The following SLC39A10 variants were observed in gnomAD, a reference collection of about 807,000 sequenced individuals.
The protein encoded by SLC39A10 is solute carrier family 39 member 10.
A neutral mutation model predicts 65.1 loss-of-function variants in SLC39A10; 13 were observed. That is an observed-to-expected ratio of 0.20 (90% confidence interval 0.13 to 0.32). SLC39A10 has a LOEUF of 0.32. Among genes scored for constraint, SLC39A10 ranks in the 10% least tolerant of loss-of-function variants. SLC39A10 has a pLI of 1.00. For missense variants in SLC39A10, 831 were observed against 1,018.4 expected (o/e 0.82, Z 2.50); for synonymous variants, 321 against 342.2 (o/e 0.94, Z 0.68).
chr2:195,726,981 C>G (rs1053605206), intron 8 of SLC39A10, among the ~76,000 whole-genome samples: 7 of 152,108 alleles, frequency 4.6e-5, no homozygotes, highest in African/African-American at 1.7e-4. Flanking sequence ...CATACCTCTT[C>G]AAGGTGGAAC....
At position 195,718,264 on chromosome 2, in the gene SLC39A10, G is replaced by C; in HGVS notation, c.2078G>C (p.Ser693Thr). 6.2e-7 allele frequency: 1 copy of C among 1,607,684 alleles called. No individual in the cohort carries two copies. The highest frequency in any genetic ancestry group is 8.5e-7 in the Non-Finnish European group (1 of 1,175,464). The change falls in exon 8 of 10, where the codon AGT (serine) becomes ACT (threonine). Residue 693 changes from serine to threonine, a missense_variant. Coordinates refer to ENST00000359634, the MANE Select transcript of SLC39A10 (RefSeq NM_020342.3). ...TTATCTTCCTCAGGTGCAGCTTTCA[G>C]TGCTGGATTGACAGGAGGAATCAGT... is the stretch of plus-strand genomic sequence containing the variant. ...SDGLAIGAAF[S>T]AGLTGGISTS...
At chr2:195,699,622 T>C (rs1474344203) in intron 3 of SLC39A10, among the ~76,000 whole-genome samples, 5 of 152,138 alleles carry the variant, frequency 3.3e-5, no homozygotes, top group Non-Finnish European at 5.9e-5. Context: ...TTCTAACTAT[T>C]CCATTATGGT....
intron 3 of SLC39A10, among the ~76,000 whole-genome samples, chr2:195,687,559 G>A (rs1000711929): frequency 6.6e-6 from 1 of 152,204 alleles, no homozygotes; most frequent in Non-Finnish European, 1.5e-5. Context: ...AGTGAATATT[G>A]ATTAGTTGTT....
intron 2 of SLC39A10, among the ~76,000 whole-genome samples, chr2:195,641,005 G>A (rs1470269366): frequency 1.3e-5 from 2 of 152,202 alleles, no homozygotes; most frequent in Non-Finnish European, 2.9e-5. Flanking sequence ...TACCCACTTT[G>A]CACCAAGCAA....
chr2:195,639,144 G>A (rs1289307492), intron 2 of SLC39A10, among the ~76,000 whole-genome samples: 1 of 152,058 alleles, frequency 6.6e-6, no homozygotes, highest in Non-Finnish European at 1.5e-5. Flanking sequence ...GTAAAGATAA[G>A]TCTTGCTATG....
At chr2:195,616,752 C>T (rs914012882) in intron 2 of SLC39A10, among the ~76,000 whole-genome samples, 19 of 150,712 alleles carry the variant, frequency 1.3e-4, no homozygotes, top group Non-Finnish European at 2.2e-4. Flanking sequence ...TACAGGCTCC[C>T]GCCACCACGC....
chr2:195,720,250 G>T (rs1691980719), intron 8 of SLC39A10, among the ~76,000 whole-genome samples: 1 of 152,146 alleles, frequency 6.6e-6, no homozygotes, highest in African/African-American at 2.4e-5. Flanking sequence ...TTTTACCAAG[G>T]TAATGGATGT....
intron 1 of SLC39A10, among the ~76,000 whole-genome samples, chr2:195,660,503 C>A (rs1022069649): frequency 5.3e-5 from 8 of 152,262 alleles, no homozygotes; most frequent in African/African-American, 1.9e-4. Flanking sequence ...ATTCCCTTCA[C>A]CTTTTGCTAA....
intron 3 of SLC39A10, among the ~76,000 whole-genome samples, chr2:195,687,747 T>C (rs1051954870): frequency 6.6e-6 from 1 of 152,224 alleles, no homozygotes; most frequent in East Asian, 1.9e-4. Flanking sequence ...ACTACCTCAT[T>C]AACTTTGTTC....
chr2:195,693,695 CTTAG>C (rs1312076860), intron 3 of SLC39A10, among the ~76,000 whole-genome samples: 2 of 152,134 alleles, frequency 1.3e-5, no homozygotes, highest in African/African-American at 2.4e-5. Flanking sequence ...CTTCTCTCTT[CTTAG>C]TTAATCTCAC....
At chr2:195,631,276 A>G (rs1007916080) in intron 2 of SLC39A10, among the ~76,000 whole-genome samples, 3 of 152,008 alleles carry the variant, frequency 2.0e-5, no homozygotes, top group African/African-American at 7.2e-5. Flanking sequence ...ATAAAAATAG[A>G]ATATATATAC....
intron 2 of SLC39A10, among the ~76,000 whole-genome samples, chr2:195,619,229 T>C (rs183006743): frequency 3.3e-5 from 5 of 150,136 alleles, no homozygotes; most frequent in African/African-American, 1.2e-4. Context: ...TAGAGTAAAA[T>C]AAAGGGGAAG....
chr2:195,713,495 A>G lies in SLC39A10; in HGVS notation c.1638A>G (p.Ser546=), dbSNP rs773978268. The G allele has an allele frequency of 1.9e-6, 3 of 1,587,086 alleles. No homozygotes were observed. Among genetic ancestry groups the G allele is most frequent in the Non-Finnish European group, 1.7e-6 (2 of 1,173,462 alleles). Residue 546 remains serine, a synonymous_variant, in exon 6 of 10, where the codon TCA becomes TCG. Transcript: ENST00000359634. ...AATCAACTATTGGAAGAAAGCTTTC[A>G]GATCACAAGTTAAACAATACACCAG... ...TEESTIGRKL[S]DHKLNNTPDS...
intron 2 of SLC39A10, among the ~76,000 whole-genome samples, chr2:195,616,662 G>A (rs1168954819): frequency 6.6e-6 from 1 of 151,398 alleles, no homozygotes; most frequent in Non-Finnish European, 1.5e-5. Context: ...GGAGTGCAGT[G>A]GTGCCATCTC....
rs1574270888 is a variant in SLC39A10 at position 195,686,487 on chromosome 2, T to C, written c.1216+2581T>C. ...ATTGCTTGAACCTGAGAGGCAGAGG[T>C]TGCAGTGAGCTGAGATCACGCCACT... On this transcript the variant is annotated intron_variant, in intron 3 of 9. Transcript: ENST00000359634. 3.3e-5 allele frequency among the ~76,000 whole-genome samples: 5 copies of C among 152,212 alleles called. No individual in the cohort carries two copies. In the South Asian group the frequency reaches 1.0e-3, roughly 32 times the overall value.
chr2:195,651,082 T>G (rs867040439), intron 2 of SLC39A10, among the ~76,000 whole-genome samples: 21 of 149,530 alleles, frequency 1.4e-4, no homozygotes, highest in South Asian at 6.4e-4. Context: ...AAAAAAATGT[T>G]TTTTTTTTTT....
At chr2:195,715,525 C>CCA (rs1691767395) in intron 6 of SLC39A10, among the ~76,000 whole-genome samples, 2 of 61,634 alleles carry the variant, frequency 3.2e-5, no homozygotes, top group African/African-American at 1.1e-4. Flanking sequence ...GACTCTGTCT[C>CCA]AAAAAAAAAA....
At chr2:195,674,157 A>G (rs776701515) in intron 1 of SLC39A10, among the ~76,000 whole-genome samples, 1 of 152,208 alleles carries the variant, frequency 6.6e-6, no homozygotes, top group Non-Finnish European at 1.5e-5. Context: ...AAAGTCCTTC[A>G]TAGTCACATT....
chr2:195,625,958 A>T lies in SLC39A10; in HGVS notation c.-12+19725A>T, dbSNP rs919407593. ...TGCGCCATACCTGGCTAATTTTTGTATTTATTGTAGAGACAGGGTTTCACC... is the reference window on the plus strand; with the variant it reads ...TGCGCCATACCTGGCTAATTTTTGTTTTTATTGTAGAGACAGGGTTTCACC... On this transcript the variant is annotated intron_variant, in intron 2 of 2. Transcript: ENST00000458054. Among the ~76,000 whole-genome samples, 3 of 152,174 alleles carry T rather than the reference A, an allele frequency of 2.0e-5. No homozygotes were observed. In the East Asian group the frequency reaches 5.8e-4, roughly 29 times the overall value.
Sources: gnomAD v4.1 joint callset for allele counts (sites outside exome capture counted in the v4.1 genomes callset) on GRCh38, gnomAD v4.1.1 for gene constraint, MANE v1.5 for transcripts, NCBI Gene and HGNC (gene_info 2026-07-23, HGNC 2026-07-21) for gene names.